ZNF322: variants seen among roughly 807,000 people sequenced by gnomAD.
ZNF322 encodes the protein zinc finger protein 322, also known as HLA complex group 12.
Under a neutral mutation model 18.3 loss-of-function variants are expected in ZNF322, and 1 was observed. The observed-to-expected ratio is 0.05, with a 90% CI of 0.02 to 0.26. The LOEUF is 0.26. Among genes scored for constraint, ZNF322 ranks in the 10% least tolerant of loss-of-function variants. The pLI is 1.00. For missense variants in ZNF322, 36 were observed against 403.6 expected (o/e 0.09, Z 7.80); for synonymous variants, 17 against 130.7 (o/e 0.13, Z 5.93).
intron 2 of ZNF322, among the ~76,000 whole-genome samples, chr6:26,644,057 G>C (rs1765512833): frequency 6.6e-6 from 1 of 152,112 alleles, no homozygotes; most frequent in African/African-American, 2.4e-5. Context: ...AGGAACTCAG[G>C]CTGTCCTGAT....
chr6:26,647,429 T>C (rs1038855217), intron 2 of ZNF322, among the ~76,000 whole-genome samples: 14 of 151,932 alleles, frequency 9.2e-5, no homozygotes, highest in Non-Finnish European at 1.2e-4. Context: ...CTAGGTTACT[T>C]AATTGAAAAA....
At chr6:26,640,911 C>A (rs144298025) in intron 3 of ZNF322, among the ~76,000 whole-genome samples, 1 of 152,228 alleles carries the variant, frequency 6.6e-6, no homozygotes, top group East Asian at 1.9e-4. Context: ...TAGATTGGAG[C>A]CTATTTGTAA....
At chr6:26,655,159 T>C (rs1765745656) in intron 2 of ZNF322, among the ~76,000 whole-genome samples, 1 of 152,160 alleles carries the variant, frequency 6.6e-6, no homozygotes, top group Non-Finnish European at 1.5e-5. Context: ...AGGGACAACA[T>C]TATAATTAAA....
At chr6:26,657,722 GAAC>G (rs1554149842) in intron 2 of ZNF322, among the ~76,000 whole-genome samples, 1 of 151,990 alleles carries the variant, frequency 6.6e-6, no homozygotes, top group East Asian at 2.0e-4. Context: ...ACAAATACCA[GAAC>G]AAAAAGGCAA....
Position 26,657,250 on chromosome 6 carries a change from C to CA in ZNF322, c.-246+1307dup, listed in dbSNP as rs113013082. 5.1e-3 allele frequency among the ~76,000 whole-genome samples: 651 copies of CA among 127,900 alleles called. 3 individuals carry two copies. Among genetic ancestry groups the CA allele is most frequent in the African/African-American group, 0.011 (386 of 34,852 alleles). The allele number at this position is 127,900 out of a possible 152,430, so 83.9% of individuals were successfully genotyped here. A position where few individuals can be genotyped will look rare whatever the true frequency, so the allele number is the denominator to read the frequency against. On this transcript the variant is annotated intron_variant, in intron 2 of 3. Coordinates refer to ENST00000415922, the MANE Select transcript of ZNF322 (RefSeq NM_024639.5). ...GGATGACAGAGCGAAGACTCCATCT[C>CA]AAAAAAAAAAAAAAATCACGACACT...
chr6:26,640,515 C>T (rs1372228789), intron 3 of ZNF322, among the ~76,000 whole-genome samples: 1 of 152,198 alleles, frequency 6.6e-6, no homozygotes, highest in East Asian at 1.9e-4. Context: ...ACCTCATTCA[C>T]ATCTTTGCTC....
chr6:26,651,311 T>C (rs1457205994), intron 2 of ZNF322: 1 of 149,894 alleles, frequency 6.7e-6, no homozygotes, highest in Non-Finnish European at 1.5e-5. Flanking sequence ...TTGGAGGACA[T>C]TATGTTAAGT....
chr6:26,649,682 TATATATATATATA>T (rs1561924863), intron 2 of ZNF322, among the ~76,000 whole-genome samples: 21 of 25,302 alleles, frequency 8.3e-4, no homozygotes, highest in African/African-American at 2.4e-3. Context: ...TGTGTATATA[TATATATATATATA>T]TATATATTTT....
At chr6:26,655,036 T>C (rs1581498013) in intron 2 of ZNF322, among the ~76,000 whole-genome samples, 1 of 152,076 alleles carries the variant, frequency 6.6e-6, no homozygotes, top group East Asian at 1.9e-4. Flanking sequence ...CTGAATCTGA[T>C]CACGAGGGAA....
At chr6:26,641,679 G>A (rs1007879837) in intron 3 of ZNF322, among the ~76,000 whole-genome samples, 2 of 152,180 alleles carry the variant, frequency 1.3e-5, no homozygotes, top group Non-Finnish European at 2.9e-5. Context: ...TGGATTTAGG[G>A]CTGTGCAGGA....
At chr6:26,640,307 T>G (rs558643958) in intron 3 of ZNF322, among the ~76,000 whole-genome samples, 1 of 152,362 alleles carries the variant, frequency 6.6e-6, no homozygotes, top group East Asian at 1.9e-4. Flanking sequence ...CTACAAGCTC[T>G]TAAGAAATCT....
intron 2 of ZNF322, among the ~76,000 whole-genome samples, chr6:26,652,306 G>A (rs1765685175): frequency 6.6e-6 from 1 of 152,124 alleles, no homozygotes; most frequent in African/African-American, 2.4e-5. Context: ...ATTAAAGACT[G>A]TTATTCCAAA....
chr6:26,648,523 T>C (rs1765594991), intron 2 of ZNF322, among the ~76,000 whole-genome samples: 1 of 152,182 alleles, frequency 6.6e-6, no homozygotes, highest in African/African-American at 2.4e-5. Context: ...GATTTAATAG[T>C]AGAATTAGAA....
chr6:26,645,191 A>G (rs1392793638), intron 2 of ZNF322, among the ~76,000 whole-genome samples: 3 of 152,262 alleles, frequency 2.0e-5, no homozygotes, highest in African/African-American at 7.2e-5. Context: ...ACACAGTCAG[A>G]GGGGATAACA....
chr6:26,649,697 A>T (rs1426913195), intron 2 of ZNF322, among the ~76,000 whole-genome samples: 1,974 of 52,372 alleles, frequency 0.038, 198 homozygotes, highest in African/African-American at 0.057. Flanking sequence ...ATATATATAT[A>T]TATATTTTTT....
At chr6:26,655,001 C>T (rs535181528) in intron 2 of ZNF322, among the ~76,000 whole-genome samples, 1 of 152,190 alleles carries the variant, frequency 6.6e-6, no homozygotes, top group East Asian at 1.9e-4. Flanking sequence ...ATCACTTCTG[C>T]GGTATCTTGC....
chr6:26,636,371 AAAG>A lies in ZNF322; in HGVS notation c.*971_*973del, dbSNP rs1765352402. 7.4e-6 allele frequency: 1 copy of A among 134,836 alleles called. No individual in the cohort carries two copies. Among genetic ancestry groups the A allele is most frequent in the African/African-American group, 2.8e-5 (1 of 35,522 alleles). 8.4% of individuals were successfully genotyped at this position (134,836 alleles called of 1,614,324 possible). ...AAGCAATCATTAAGTAGTTCAGATA[AAAG>A]AAAAGCATCTTTACCTGAGTTACCC... On this transcript the variant is annotated 3_prime_UTR_variant, in exon 4 of 4. Coordinates refer to ENST00000415922, the MANE Select transcript of ZNF322 (RefSeq NM_024639.5).
chr6:26,651,264 G>T (rs1179289382), intron 2 of ZNF322: 2 of 129,170 alleles, frequency 1.5e-5, no homozygotes, highest in East Asian at 5.1e-4. Flanking sequence ...AAAAAAAAAA[G>T]AATAAAATTC....
At chr6:26,654,549 G>A (rs1342342550) in intron 2 of ZNF322, among the ~76,000 whole-genome samples, 1 of 151,968 alleles carries the variant, frequency 6.6e-6, no homozygotes, top group African/African-American at 2.4e-5. Flanking sequence ...AGGATGGAAG[G>A]ACTGCCACTG....
Sources: gnomAD v4.1 joint callset for allele counts (sites outside exome capture counted in the v4.1 genomes callset) on GRCh38, gnomAD v4.1.1 for gene constraint, MANE v1.5 for transcripts, NCBI Gene and HGNC (gene_info 2026-07-23, HGNC 2026-07-21) for gene names.